GULP1: variants seen among roughly 807,000 people sequenced by gnomAD.
The protein encoded by GULP1 is GULP PTB domain containing engulfment adaptor 1.
A neutral mutation model predicts 40.9 loss-of-function variants in GULP1; 19 were observed. The observed-to-expected ratio is 0.46, with a 90% CI of 0.32 to 0.68. The LOEUF is 0.68. GULP1 is among the 30% of genes least tolerant of loss of function. The probability of loss-of-function intolerance (pLI) is 0.03; values close to 1 mark genes in which losing one functional copy is unlikely to be tolerated. For synonymous variants in GULP1, 119 were observed against 117.6 expected, an observed-to-expected ratio of 1.01 and a Z score of -0.08; for missense variants, 312 against 362.2, an observed-to-expected ratio of 0.86 and a Z score of 1.12.
chr2:188,431,067 A>G (rs191956508), intron 2 of GULP1, among the ~76,000 whole-genome samples: 32 of 152,232 alleles, frequency 2.1e-4, no homozygotes, highest in African/African-American at 7.5e-4. Context: ...AAACTCCCCC[A>G]TATATACACC....
intron 4 of GULP1, among the ~76,000 whole-genome samples, chr2:188,493,085 CTTTA>C (rs2062564489): frequency 6.6e-6 from 1 of 152,060 alleles, no homozygotes; most frequent in Non-Finnish European, 1.5e-5. Flanking sequence ...TAACCAAACA[CTTTA>C]TTTACTATTT....
intron 2 of GULP1, among the ~76,000 whole-genome samples, chr2:188,425,529 G>A (rs932315425): frequency 6.6e-6 from 1 of 152,064 alleles, no homozygotes; most frequent in Non-Finnish European, 1.5e-5. Flanking sequence ...GATAAACTAT[G>A]TCTTGTATTT....
intron 2 of GULP1, among the ~76,000 whole-genome samples, chr2:188,433,217 T>C (rs185927211): frequency 2.5e-4 from 38 of 152,238 alleles, no homozygotes; most frequent in African/African-American, 7.7e-4. Context: ...GCCATAAAAC[T>C]GACTGGGTTG....
intron 1 of GULP1, among the ~76,000 whole-genome samples, chr2:188,333,903 G>A (rs578062929): frequency 6.6e-6 from 1 of 152,192 alleles, no homozygotes; most frequent in South Asian, 2.1e-4. Flanking sequence ...CCTTTGGACT[G>A]AGACCATACA....
chr2:188,470,447 T>C (rs2060494211), intron 2 of GULP1, among the ~76,000 whole-genome samples: 1 of 152,170 alleles, frequency 6.6e-6, no homozygotes, highest in East Asian at 1.9e-4. Context: ...ATTTTCTCTT[T>C]ACTAATTTTG....
intron 6 of GULP1, among the ~76,000 whole-genome samples, chr2:188,539,038 A>G (rs1205529222): frequency 6.6e-6 from 1 of 151,990 alleles, no homozygotes; most frequent in Non-Finnish European, 1.5e-5. Context: ...AGTGAAAATT[A>G]AGTGAAAGCA....
intron 9 of GULP1, among the ~76,000 whole-genome samples, chr2:188,574,691 G>A (rs1017285756): frequency 2.0e-5 from 3 of 152,024 alleles, no homozygotes; most frequent in African/African-American, 7.2e-5. Context: ...AACTTGGCTA[G>A]ATAACTAAAA....
intron 4 of GULP1, among the ~76,000 whole-genome samples, chr2:188,514,277 G>A (rs1056086178): frequency 6.6e-6 from 1 of 151,912 alleles, no homozygotes; most frequent in Non-Finnish European, 1.5e-5. Context: ...GAAGTATTTC[G>A]GTCTTTATTT....
chr2:188,421,737 G>A (rs1379607741), intron 2 of GULP1, among the ~76,000 whole-genome samples: 1 of 152,070 alleles, frequency 6.6e-6, no homozygotes, highest in Non-Finnish European at 1.5e-5. Flanking sequence ...GCTGGGGAGT[G>A]GGCCACTCCA....
chr2:188,378,327 G>A (rs2048564905), intron 1 of GULP1, among the ~76,000 whole-genome samples: 1 of 151,378 alleles, frequency 6.6e-6, no homozygotes, highest in Admixed American at 6.6e-5. Flanking sequence ...ATTACAATGG[G>A]CAAAAAAAAT....
intron 1 of GULP1, among the ~76,000 whole-genome samples, chr2:188,295,545 A>T (rs1201841816): frequency 6.6e-6 from 1 of 152,156 alleles, no homozygotes; most frequent in Non-Finnish European, 1.5e-5. Context: ...GTCAATTAGT[A>T]AAATATACTA....
At chr2:188,348,995 C>A (rs1291277590) in intron 1 of GULP1, among the ~76,000 whole-genome samples, 1 of 152,170 alleles carries the variant, frequency 6.6e-6, no homozygotes, top group Non-Finnish European at 1.5e-5. Flanking sequence ...ATATTAAAAT[C>A]TATTTCAAAA....
In GULP1 at chr2:188,471,370, A is replaced by G. The variant is rs568990632; in HGVS notation, c.-44-6289A>G. Among the ~76,000 whole-genome samples the G allele has an allele frequency of 2.0e-5, 3 of 151,976 alleles. No homozygotes were observed. The South Asian group carries it at 6.2e-4, about 32-fold the overall frequency. ...GTTTCGTCCATTTATGTTCAGTGGT[A>G]TTATTGATGACTAAGGACTTACTCC... is the stretch of plus-strand genomic sequence containing the variant. On this transcript the variant is annotated intron_variant, in intron 2 of 11. Transcript: ENST00000409830.
chr2:188,532,540 T>C (rs1575832229), intron 6 of GULP1, among the ~76,000 whole-genome samples: 1 of 152,242 alleles, frequency 6.6e-6, no homozygotes, highest in South Asian at 2.1e-4. Context: ...GTGAAGAGTA[T>C]ATGGGTATGC....
rs144213716 is a variant in GULP1, at chr2:188,339,492, G to A, written c.-171-44271G>A. ...TCTTGGTTTCCCCCTTTTGTTTTAA[G>A]ACATGGTATACATTTTTAATTATAC... On this transcript the variant is annotated intron_variant, in intron 1 of 11. Coordinates refer to ENST00000409830, the MANE Select transcript of GULP1 (RefSeq NM_016315.4). Among the ~76,000 whole-genome samples, 99 of 152,214 alleles carry A rather than the reference G, an allele frequency of 6.5e-4. No homozygotes were observed. In the East Asian group the frequency reaches 0.018, roughly 28 times the overall value.
At chr2:188,484,445 T>C (rs982469422) in intron 4 of GULP1, among the ~76,000 whole-genome samples, 1 of 152,122 alleles carries the variant, frequency 6.6e-6, no homozygotes, top group Non-Finnish European at 1.5e-5. Flanking sequence ...TGAGTCAAAA[T>C]TTCGAAGAGT....
intron 7 of GULP1, among the ~76,000 whole-genome samples, chr2:188,555,492 C>A (rs1305756651): frequency 1.3e-5 from 2 of 152,142 alleles, no homozygotes; most frequent in African/African-American, 4.8e-5. Flanking sequence ...TACTGGATAT[C>A]ATGTTCTTCT....
At chr2:188,327,786 G>A (rs1363062896) in intron 1 of GULP1, among the ~76,000 whole-genome samples, 1 of 152,074 alleles carries the variant, frequency 6.6e-6, no homozygotes, top group Admixed American at 6.6e-5. Context: ...GAATATTTTG[G>A]TGTGAGCCAT....
At chr2:188,491,332 G>C (rs1294030404) in intron 4 of GULP1, 2 of 151,936 alleles carry the variant, frequency 1.3e-5, no homozygotes, top group Non-Finnish European at 2.9e-5. Flanking sequence ...ATGGTGTTTT[G>C]ATGAGCCACT....
Sources: allele counts gnomAD v4.1 joint callset (sites outside exome capture counted in the v4.1 genomes callset), GRCh38; gene constraint gnomAD v4.1.1; transcripts MANE v1.5; gene names NCBI Gene and HGNC (gene_info 2026-07-23, HGNC 2026-07-21).